The following SLC24A4 variants were observed in gnomAD, a reference collection of about 807,000 sequenced individuals.
SLC24A4 encodes solute carrier family 24 member 4.
SLC24A4 carries 53 observed loss-of-function variants against 79.0 expected under a neutral mutation model. That is an observed-to-expected ratio of 0.67 (90% confidence interval 0.54 to 0.84). SLC24A4 has a LOEUF of 0.84. SLC24A4 is among the 40% of genes least tolerant of loss of function. The pLI is 0.00. For missense variants in SLC24A4, 731 were observed against 822.0 expected (o/e 0.89, Z 1.35); for synonymous variants, 323 against 323.8 (o/e 1.00, Z 0.03).
chr14:92,449,588 G>C (rs1319476486), intron 10 of SLC24A4, among the ~76,000 whole-genome samples: 1 of 152,236 alleles, frequency 6.6e-6, no homozygotes, highest in Non-Finnish European at 1.5e-5. Context: ...GGCAGCTGAG[G>C]AGCTGGGGCA....
At chr14:92,440,442 G>T (rs1156869399) in intron 4 of SLC24A4, among the ~76,000 whole-genome samples, 2 of 152,120 alleles carry the variant, frequency 1.3e-5, no homozygotes, top group Non-Finnish European at 2.9e-5. Flanking sequence ...AAGTGTTGTT[G>T]CTTCTGCCTT....
intron 2 of SLC24A4, among the ~76,000 whole-genome samples, chr14:92,401,701 G>A (rs1890121778): frequency 6.6e-6 from 1 of 152,162 alleles, no homozygotes; most frequent in South Asian, 2.1e-4. Flanking sequence ...GACCTTGGGC[G>A]AGTTATCTAA....
intron 2 of SLC24A4, among the ~76,000 whole-genome samples, chr14:92,374,098 T>C (rs994755244): frequency 3.0e-4 from 45 of 152,368 alleles, no homozygotes; most frequent in African/African-American, 9.9e-4. Context: ...CCAGCCAAAA[T>C]GCAGAGAACC....
At chr14:92,367,532 C>T (rs552653591) in intron 2 of SLC24A4, among the ~76,000 whole-genome samples, 5 of 152,256 alleles carry the variant, frequency 3.3e-5, no homozygotes, top group South Asian at 2.1e-4. Context: ...GATTTGAGGT[C>T]GTGAGCTGAC....
chr14:92,381,751 C>G (rs959211098), intron 2 of SLC24A4, among the ~76,000 whole-genome samples: 1 of 123,974 alleles, frequency 8.1e-6, no homozygotes, highest in Admixed American at 8.9e-5. Context: ...ATTGGAATCA[C>G]CTGCAGAGCT....
chr14:92,424,291 G>A (rs1175730281), intron 2 of SLC24A4, among the ~76,000 whole-genome samples: 2 of 152,148 alleles, frequency 1.3e-5, no homozygotes, highest in Non-Finnish European at 2.9e-5. Flanking sequence ...GGTTAAATAA[G>A]GTCATAAAAG....
chr14:92,336,904 G>A (rs1885840338), intron 2 of SLC24A4, among the ~76,000 whole-genome samples: 1 of 152,184 alleles, frequency 6.6e-6, no homozygotes, highest in Admixed American at 6.5e-5. Context: ...AGAAATCGCA[G>A]CATCACCTCC....
At chr14:92,424,639 G>A (rs754346437) in intron 2 of SLC24A4, among the ~76,000 whole-genome samples, 1 of 151,868 alleles carries the variant, frequency 6.6e-6, no homozygotes, top group Non-Finnish European at 1.5e-5. Flanking sequence ...AGGTGGGAGG[G>A]TTGCTTGAGG....
At chr14:92,346,054 G>A (rs1046861511) in intron 2 of SLC24A4, among the ~76,000 whole-genome samples, 3 of 152,142 alleles carry the variant, frequency 2.0e-5, no homozygotes, top group African/African-American at 7.2e-5. Flanking sequence ...AGGGAAAGGG[G>A]ATGTGGAAGG....
chr14:92,462,834 G>A (rs1595327857), intron 12 of SLC24A4: 1 of 152,300 alleles, frequency 6.6e-6, no homozygotes, highest in East Asian at 1.9e-4. Context: ...CATACAGGAG[G>A]AAGGGACAGA....
At position 92,443,384 on chromosome 14, in the gene SLC24A4, G is replaced by T; in HGVS notation, c.583-16G>T. The T allele has an allele frequency of 6.2e-7, 1 of 1,613,892 alleles. No individual in the cohort carries two copies. Among genetic ancestry groups the T allele is most frequent in the Non-Finnish European group, 8.5e-7 (1 of 1,179,980 alleles). On this transcript the variant is annotated splice_polypyrimidine_tract_variant and intron_variant, in intron 6 of 16. Transcript: ENST00000532405. ...TTCTGCGCTCATAGCAGCCAACGAC[G>T]GGGCTCTGCTGGCAGGTGGTCCGTC...
rs1892353884 is a variant in SLC24A4, at chr14:92,439,198, G to A, written c.319-137G>A. On this transcript the variant is annotated intron_variant, in intron 3 of 16. Transcript: ENST00000532405. The stretch of plus-strand genomic sequence containing the variant: ...AGGGGATTGAGGGAACGAAATCTAT[G>A]GTGCTGGAGTTTTCCTGTGTGCCCC... 1.2e-5 allele frequency: 8 copies of A among 658,842 alleles called. No individual in the cohort carries two copies. The South Asian group carries it at 1.4e-4, about 12-fold the overall frequency. 40.8% of individuals were successfully genotyped at this position (658,842 alleles called of 1,614,324 possible).
chr14:92,477,734 A>G (rs1465852508), intron 12 of SLC24A4, among the ~76,000 whole-genome samples: 3 of 151,346 alleles, frequency 2.0e-5, no homozygotes, highest in Non-Finnish European at 2.9e-5. Context: ...GATCGTAGGC[A>G]TGAGACACTG....
intron 12 of SLC24A4, among the ~76,000 whole-genome samples, chr14:92,468,293 G>A (rs1314386032): frequency 6.6e-6 from 1 of 152,236 alleles, no homozygotes; most frequent in Non-Finnish European, 1.5e-5. Flanking sequence ...GATGTCCTGT[G>A]TTCAAGGGTT....
At chr14:92,342,803 G>C (rs912850862) in intron 2 of SLC24A4, among the ~76,000 whole-genome samples, 16 of 152,236 alleles carry the variant, frequency 1.1e-4, no homozygotes, top group Non-Finnish European at 1.5e-4. Flanking sequence ...GCAGGCAGAG[G>C]ATAAAGGCTG....
chr14:92,385,716 G>A (rs1279777397), intron 2 of SLC24A4, among the ~76,000 whole-genome samples: 1 of 152,088 alleles, frequency 6.6e-6, no homozygotes, highest in African/African-American at 2.4e-5. Flanking sequence ...GGGCTTCTGC[G>A]CACCGGCTAT....
chr14:92,406,390 C>T (rs1890377958), intron 2 of SLC24A4, among the ~76,000 whole-genome samples: 1 of 152,216 alleles, frequency 6.6e-6, no homozygotes, highest in African/African-American at 2.4e-5. Context: ...CTTCTCACAG[C>T]TCCACTAGGT....
chr14:92,473,988 C>T (rs1445788813), intron 12 of SLC24A4, among the ~76,000 whole-genome samples: 1 of 152,218 alleles, frequency 6.6e-6, no homozygotes, highest in Non-Finnish European at 1.5e-5. Context: ...TACCCAGGCA[C>T]CTCTGTAGGC....
intron 2 of SLC24A4, among the ~76,000 whole-genome samples, chr14:92,380,702 G>A (rs1345528004): frequency 6.6e-6 from 1 of 152,192 alleles, no homozygotes; most frequent in Admixed American, 6.5e-5. Context: ...CACTGGGCCA[G>A]CCAGCACCAG....
Sources: gnomAD v4.1 joint callset for allele counts (sites outside exome capture counted in the v4.1 genomes callset) on GRCh38, gnomAD v4.1.1 for gene constraint, MANE v1.5 for transcripts, NCBI Gene and HGNC (gene_info 2026-07-23, HGNC 2026-07-21) for gene names.